Variants in ESR1 observed in about 807,000 individuals in gnomAD.
ESR1 encodes the protein estrogen receptor.
In ESR1, 12 loss-of-function variants were observed where a neutral mutation model predicts 52.7. The observed-to-expected ratio is 0.23, with a 90% CI of 0.15 to 0.37. The LOEUF is 0.37. Ranked by LOEUF, ESR1 falls within the 10% of genes least tolerant of loss-of-function variation. The probability of loss-of-function intolerance (pLI) is 1.00; values close to 1 mark genes in which losing one functional copy is unlikely to be tolerated. For missense variants in ESR1, 584 were observed against 779.7 expected (o/e 0.75, Z 2.99); for synonymous variants, 305 against 316.8 (o/e 0.96, Z 0.39).
chr6:151,945,957 G>A (rs2035654176), intron 4 of ESR1, among the ~76,000 whole-genome samples: 1 of 152,170 alleles, frequency 6.6e-6, no homozygotes, highest in Non-Finnish European at 1.5e-5. Flanking sequence ...AGAATAATAG[G>A]CAAATGTAGG....
At chr6:151,820,834 C>A (rs2128189452) in intron 1 of ESR1, among the ~76,000 whole-genome samples, 1 of 152,240 alleles carries the variant, frequency 6.6e-6, no homozygotes, top group African/African-American at 2.4e-5. Context: ...CTTCTAATAT[C>A]AGAAGCCAAT....
intron 4 of ESR1, among the ~76,000 whole-genome samples, chr6:151,988,521 A>G (rs1230481289): frequency 2.0e-5 from 3 of 152,102 alleles, no homozygotes; most frequent in Non-Finnish European, 2.9e-5. Context: ...GCTTTAAAGA[A>G]TATGTTTGTG....
At chr6:151,658,749 C>A (rs1777539333) in intron 1 of ESR1, among the ~76,000 whole-genome samples, 1 of 152,158 alleles carries the variant, frequency 6.6e-6, no homozygotes, top group Non-Finnish European at 1.5e-5. Flanking sequence ...TCAAAGTTAT[C>A]ATCTCATTTA....
intron 1 of ESR1, among the ~76,000 whole-genome samples, chr6:151,670,195 T>A (rs1194877255): frequency 6.6e-6 from 1 of 152,214 alleles, no homozygotes; most frequent in Non-Finnish European, 1.5e-5. Flanking sequence ...CTAGCTAGCC[T>A]ATCTTCCTGC....
intron 6 of ESR1, among the ~76,000 whole-genome samples, chr6:152,067,365 T>C (rs1292550713): frequency 6.6e-6 from 1 of 152,184 alleles, no homozygotes; most frequent in Non-Finnish European, 1.5e-5. Context: ...TGCACTGTTC[T>C]AGATGTTAGG....
chr6:151,678,710 G>A (rs1778344383), intron 1 of ESR1, among the ~76,000 whole-genome samples: 1 of 145,722 alleles, frequency 6.9e-6, no homozygotes. Flanking sequence ...TTTCTGAGAT[G>A]GAGTCTTACT....
intron 2 of ESR1, among the ~76,000 whole-genome samples, chr6:151,864,091 C>G (rs184945967): frequency 6.6e-6 from 1 of 152,170 alleles, no homozygotes; most frequent in Non-Finnish European, 1.5e-5. Context: ...AGCTTCTGTT[C>G]TTTGCTGGGG....
At chr6:151,867,548 A>G (rs999169626) in intron 2 of ESR1, among the ~76,000 whole-genome samples, 4 of 152,218 alleles carry the variant, frequency 2.6e-5, no homozygotes, top group African/African-American at 9.6e-5. Flanking sequence ...GCATATGAAA[A>G]AAAGCTCATC....
At chr6:151,791,635 T>C (rs1299456786) in intron 2 of ESR1, among the ~76,000 whole-genome samples, 1 of 152,124 alleles carries the variant, frequency 6.6e-6, no homozygotes, top group East Asian at 1.9e-4. Flanking sequence ...GGAGAGCCAG[T>C]GCAATCAACA....
At chr6:151,961,890 T>A (rs1252311666) in intron 4 of ESR1, among the ~76,000 whole-genome samples, 2 of 152,094 alleles carry the variant, frequency 1.3e-5, no homozygotes, top group African/African-American at 2.4e-5. Flanking sequence ...TCTTCTTCAG[T>A]CGGATTGTCA....
chr6:152,037,920 A>G (rs3020435), intron 5 of ESR1, among the ~76,000 whole-genome samples: 68,189 of 151,954 alleles, frequency 0.45, 17,573 homozygotes, highest in African/African-American at 0.7. Context: ...TAGAGGGACA[A>G]GACTAATAGG....
chr6:151,924,988 G>T (rs1490174879), intron 3 of ESR1, among the ~76,000 whole-genome samples: 1 of 152,084 alleles, frequency 6.6e-6, no homozygotes, highest in Admixed American at 6.5e-5. Flanking sequence ...GAATGGGATT[G>T]CTGGGTTGAA....
At chr6:152,076,203 G>A (rs994327724) in intron 6 of ESR1, among the ~76,000 whole-genome samples, 1 of 152,150 alleles carries the variant, frequency 6.6e-6, no homozygotes, top group African/African-American at 2.4e-5. Context: ...CATAGGAGTG[G>A]TTTCCTCCAT....
At chr6:151,750,021 G>A (rs1477758942) in intron 2 of ESR1, among the ~76,000 whole-genome samples, 1 of 152,172 alleles carries the variant, frequency 6.6e-6, no homozygotes, top group Non-Finnish European at 1.5e-5. Flanking sequence ...AAGGAATGAG[G>A]GAGGGAGACA....
chr6:151,977,434 T>C (rs1163088039), intron 4 of ESR1, among the ~76,000 whole-genome samples: 1 of 105,850 alleles, frequency 9.4e-6, no homozygotes, highest in Non-Finnish European at 2.0e-5. Flanking sequence ...ATGCTATCTG[T>C]GTAGTGCAAA....
chr6:151,667,722 C>G (rs759484691), intron 1 of ESR1, among the ~76,000 whole-genome samples: 5 of 152,102 alleles, frequency 3.3e-5, no homozygotes, highest in Non-Finnish European at 7.3e-5. Flanking sequence ...AAGACAGCGA[C>G]AAAGCATTTC....
chr6:152,128,512 T>C (rs1336866658), exon 7 of ESR1: 1 of 152,208 alleles, frequency 6.6e-6, no homozygotes, highest in Non-Finnish European at 1.5e-5. Context: ...ATCACCACCA[T>C]CAAATCAAAT....
In ESR1 at chr6:151,956,679, C is replaced by T. The variant is rs553703125; in HGVS notation, c.1096+12171C>T. Among the ~76,000 whole-genome samples the T allele has an allele frequency of 1.0e-3, 152 of 151,704 alleles. 5 individuals are homozygous for T. In the South Asian group the frequency reaches 0.03, roughly 30 times the overall value. On this transcript the variant is annotated intron_variant, in intron 4 of 7. Transcript: ENST00000206249. ...ACTTAGCATAGGCTAAAGAAGTGAT[C>T]GTGCATGTTTAAAGAGTTGTATCAT...
At chr6:151,929,256 A>G (rs2033233294) in intron 3 of ESR1, among the ~76,000 whole-genome samples, 1 of 152,174 alleles carries the variant, frequency 6.6e-6, no homozygotes, top group South Asian at 2.1e-4. Flanking sequence ...TTAGGTATAC[A>G]CATATATACA....
Sources: gnomAD v4.1 joint callset for allele counts (sites outside exome capture counted in the v4.1 genomes callset) on GRCh38, gnomAD v4.1.1 for gene constraint, MANE v1.5 for transcripts, NCBI Gene and HGNC (gene_info 2026-07-23, HGNC 2026-07-21) for gene names.